GRID2: variants seen among roughly 807,000 people sequenced by gnomAD.
GRID2 encodes glutamate ionotropic receptor delta type subunit 2.
Under a neutral mutation model 114.8 loss-of-function variants are expected in GRID2, and 33 were observed. That is an observed-to-expected ratio of 0.29 (90% CI 0.22 to 0.38). GRID2 has a LOEUF of 0.38. GRID2 is among the 10% of genes least tolerant of loss of function. The pLI is 1.00. For missense variants in GRID2, 1,184 were observed against 1,257.7 expected (o/e 0.94, Z 0.89); for synonymous variants, 505 against 449.9 (o/e 1.12, Z -1.55).
At chr4:93,436,881 A>G (rs1419975834) in intron 10 of GRID2, among the ~76,000 whole-genome samples, 5 of 152,128 alleles carry the variant, frequency 3.3e-5, no homozygotes, top group Non-Finnish European at 7.4e-5. Context: ...AAGCAAATAT[A>G]TTGCAATGGA....
intron 2 of GRID2, among the ~76,000 whole-genome samples, chr4:92,694,846 C>T (rs992188607): frequency 3.3e-5 from 5 of 152,184 alleles, no homozygotes; most frequent in African/African-American, 4.8e-5. Context: ...AAGTCTCTCA[C>T]GTCTGTCAAA....
chr4:92,609,938 G>T (rs952811336), intron 2 of GRID2, among the ~76,000 whole-genome samples: 9 of 151,540 alleles, frequency 5.9e-5, no homozygotes, highest in Non-Finnish European at 1.3e-4. Flanking sequence ...AAATGTATGT[G>T]GATTATCACT....
intron 10 of GRID2, 146 bp downstream of exon 10, chr4:93,423,114 T>C (rs940555451): frequency 3.2e-6 from 2 of 615,538 alleles, no homozygotes; most frequent in South Asian, 4.1e-5. Flanking sequence ...GGTGGTGGAA[T>C]TGAGTACAAA....
chr4:93,696,899 C>A (rs1174907784), intron 14 of GRID2, among the ~76,000 whole-genome samples: 1 of 152,164 alleles, frequency 6.6e-6, no homozygotes, highest in African/African-American at 2.4e-5. Flanking sequence ...CAGGCTTCTA[C>A]AGAGTCCATG....
At chr4:93,336,341 T>C (rs1759086285) in intron 8 of GRID2, among the ~76,000 whole-genome samples, 4 of 152,232 alleles carry the variant, frequency 2.6e-5, no homozygotes, top group African/African-American at 9.6e-5. Flanking sequence ...AACATATTTT[T>C]TATGCTAATG....
chr4:92,722,801 T>G (rs914682012), intron 2 of GRID2, among the ~76,000 whole-genome samples: 1 of 152,110 alleles, frequency 6.6e-6, no homozygotes, highest in African/African-American at 2.4e-5. Flanking sequence ...GAAAAGTCCC[T>G]AGCTTCCAGA....
At chr4:93,047,659 C>G (rs1726280158) in intron 2 of GRID2, among the ~76,000 whole-genome samples, 1 of 151,964 alleles carries the variant, frequency 6.6e-6, no homozygotes, top group Admixed American at 6.6e-5. Flanking sequence ...TAAATTTAAT[C>G]AGTTCAAAAT....
intron 4 of GRID2, among the ~76,000 whole-genome samples, chr4:93,123,962 T>TGGGGGGG (rs1734027606): frequency 1.7e-5 from 1 of 57,380 alleles, no homozygotes; most frequent in African/African-American, 7.1e-5. Flanking sequence ...AATTTGAGGT[T>TGGGGGGG]GGGGGAGGGG....
At chr4:92,439,206 A>G (rs1244450360) in intron 1 of GRID2, among the ~76,000 whole-genome samples, 1 of 152,088 alleles carries the variant, frequency 6.6e-6, no homozygotes, top group Non-Finnish European at 1.5e-5. Context: ...AGCCAGGAAA[A>G]GGACTTTCAC....
At chr4:93,611,047 G>A (rs1578390988) in intron 13 of GRID2, among the ~76,000 whole-genome samples, 1 of 127,650 alleles carries the variant, frequency 7.8e-6, no homozygotes, top group Non-Finnish European at 1.7e-5. Context: ...TCTTGGGAGA[G>A]TGTATGTGTC....
At chr4:92,429,271 G>C (rs947472505) in intron 1 of GRID2, among the ~76,000 whole-genome samples, 1 of 152,148 alleles carries the variant, frequency 6.6e-6, no homozygotes, top group African/African-American at 2.4e-5. Context: ...CCAGCCTCTT[G>C]TAAATATTCT....
At chr4:92,582,527 C>G (rs910316206) in intron 1 of GRID2, among the ~76,000 whole-genome samples, 2 of 151,642 alleles carry the variant, frequency 1.3e-5, no homozygotes, top group Non-Finnish European at 2.9e-5. Context: ...AATTAAATCA[C>G]TGAGACAAAT....
chr4:93,418,018 A>C (rs1223720916), intron 9 of GRID2, among the ~76,000 whole-genome samples: 1 of 150,168 alleles, frequency 6.7e-6, no homozygotes, highest in Non-Finnish European at 1.5e-5. Context: ...TACTAGATAA[A>C]TATTGATGTA....
chr4:93,751,115 T>G (rs1024298134), intron 14 of GRID2, among the ~76,000 whole-genome samples: 3 of 152,158 alleles, frequency 2.0e-5, no homozygotes, highest in African/African-American at 7.2e-5. Flanking sequence ...TAAATGAAAA[T>G]GCACTGACAT....
At chr4:92,473,191 C>T (rs1287993538) in intron 1 of GRID2, among the ~76,000 whole-genome samples, 2 of 152,034 alleles carry the variant, frequency 1.3e-5, no homozygotes, top group East Asian at 1.9e-4. Flanking sequence ...TATCAAAAAT[C>T]AATTGACCAT....
chr4:93,044,684 C>T (rs1725956915), intron 2 of GRID2, among the ~76,000 whole-genome samples: 1 of 152,054 alleles, frequency 6.6e-6, no homozygotes, highest in South Asian at 2.1e-4. Context: ...CTGAGAGTAA[C>T]TTGAAAGTTT....
At chr4:92,502,701 ATTTCTTTT>A (rs869111205) in intron 1 of GRID2, among the ~76,000 whole-genome samples, 2 of 105,282 alleles carry the variant, frequency 1.9e-5, no homozygotes, top group Admixed American at 1.1e-4. Context: ...ATGCCATGTG[ATTTCTTTT>A]TTTTTTTTTT....
At chr4:92,652,804 A>AT (rs1732010001) in intron 2 of GRID2, among the ~76,000 whole-genome samples, 7 of 138,062 alleles carry the variant, frequency 5.1e-5, no homozygotes, top group African/African-American at 1.9e-4. Context: ...GGTGAAAAAA[A>AT]AAATATATAT....
At chr4:92,941,262 T>C (rs987541540) in intron 2 of GRID2, among the ~76,000 whole-genome samples, 6 of 152,202 alleles carry the variant, frequency 3.9e-5, no homozygotes, top group Non-Finnish European at 7.3e-5. Context: ...AACTGGTCTA[T>C]TCAGAGATTC....
Sources: gnomAD v4.1 joint callset for allele counts (sites outside exome capture counted in the v4.1 genomes callset) on GRCh38, gnomAD v4.1.1 for gene constraint, MANE v1.5 for transcripts, NCBI Gene and HGNC (gene_info 2026-07-23, HGNC 2026-07-21) for gene names.